Variants in DLG2 observed in about 807,000 individuals in gnomAD.
DLG2 encodes discs large MAGUK scaffold protein 2, also known as disks large homolog 2.
DLG2 carries 45 observed loss-of-function variants against 132.5 expected under a neutral mutation model. The observed-to-expected ratio is 0.34, with a 90% CI of 0.27 to 0.44. The LOEUF (loss-of-function observed/expected upper bound fraction) is 0.44. DLG2 is among the 20% of genes least tolerant of loss of function. DLG2 has a pLI of 1.00. For missense variants in DLG2, 1,045 were observed against 1,196.9 expected, an observed-to-expected ratio of 0.87 and a Z score of 1.87; for synonymous variants, 424 against 419.6, an observed-to-expected ratio of 1.01 and a Z score of -0.13.
Position 84,099,024 on chromosome 11 carries a change from A to G in DLG2, c.648T>C (p.Ser216=), listed in dbSNP as rs1223353917. 2 of 1,613,284 alleles carry G rather than the reference A, an allele frequency of 1.2e-6. No individual in the cohort carries two copies. Among genetic ancestry groups the G allele is most frequent in the East Asian group, 4.5e-5 (2 of 44,872 alleles). ...LERGNSGLGF[S]IAGGTDNPHI... is the part of the protein sequence containing the mutation. Reference sequence around the variant, plus strand: ...GGGGATTATCTGTCCCCCCAGCAATACTGAATCCCAGGCCAGAATTCCCCT... The same window carrying G: ...GGGGATTATCTGTCCCCCCAGCAATGCTGAATCCCAGGCCAGAATTCCCCT... Residue 216 remains serine, a synonymous_variant, in exon 10 of 28, where the codon AGT becomes AGC. Coordinates refer to ENST00000376104, the MANE Select transcript of DLG2 (RefSeq NM_001142699.3).
chr11:84,218,398 GAGGA>G (rs35534884), intron 8 of DLG2, among the ~76,000 whole-genome samples: 2 of 124,600 alleles, frequency 1.6e-5, no homozygotes, highest in Non-Finnish European at 3.4e-5. Context: ...GGGAGGGAGG[GAGGA>G]AGGAAGGAAG....
At position 85,057,613 on chromosome 11, in the gene DLG2, TC is replaced by T. The variant is rs371785843; in HGVS notation, c.357+54047del. Among the ~76,000 whole-genome samples, 429 of 151,662 alleles carry T rather than the reference TC, an allele frequency of 2.8e-3. 2 individuals carry two copies. The highest frequency in any genetic ancestry group is 0.01 in the African/African-American group (421 of 41,502). ...ATAATGTTAATCTAAAACAAACTCT[TC>T]CAGAGAACAGCAAAAGATAAATCAT... On this transcript the variant is annotated intron_variant, in intron 6 of 27. Transcript: ENST00000376104.
At chr11:85,549,507 T>C (rs144266607) in intron 3 of DLG2, among the ~76,000 whole-genome samples, 27 of 152,218 alleles carry the variant, frequency 1.8e-4, no homozygotes, top group African/African-American at 5.8e-4. Context: ...ATTGTACAAG[T>C]ATGAAAAAAA....
intron 21 of DLG2, among the ~76,000 whole-genome samples, chr11:83,521,251 T>C (rs1418602119): frequency 1.3e-5 from 2 of 152,230 alleles, no homozygotes; most frequent in Non-Finnish European, 2.9e-5. Context: ...ACAAAAGTGC[T>C]TTGCAAATAC....
intron 8 of DLG2, among the ~76,000 whole-genome samples, chr11:84,165,339 A>G (rs1204109733): frequency 6.6e-6 from 1 of 152,206 alleles, no homozygotes; most frequent in Non-Finnish European, 1.5e-5. Flanking sequence ...CATACACTGC[A>G]TAGTTGTGGC....
At chr11:85,497,627 C>G (rs746956305) in intron 3 of DLG2, among the ~76,000 whole-genome samples, 33 of 152,046 alleles carry the variant, frequency 2.2e-4, no homozygotes, top group Admixed American at 1.3e-4. Context: ...ACAAAATTGT[C>G]AATTTCACCA....
rs376657184 is a variant in DLG2 at position 85,067,442 on chromosome 11, G to A, written c.357+44219C>T. Among the ~76,000 whole-genome samples the A allele has an allele frequency of 6.3e-4, 96 of 151,780 alleles. 1 individual carries two copies. In the South Asian group the frequency reaches 9.5e-3, roughly 15 times the overall value. The stretch of plus-strand genomic sequence containing the variant: ...GTTCTTTTAATTGTGATGTTAGGGC[G>A]TCAATTTTAGATCTTTCCTGCTTTC... On this transcript the variant is annotated intron_variant, in intron 6 of 27. Coordinates refer to ENST00000376104, the MANE Select transcript of DLG2 (RefSeq NM_001142699.3).
At position 84,106,979 on chromosome 11, in the gene DLG2, G is replaced by GGT. The variant is rs35530888; in HGVS notation, c.625-7934_625-7933dup. On this transcript the variant is annotated intron_variant, in intron 9 of 27. Coordinates refer to ENST00000376104, the MANE Select transcript of DLG2 (RefSeq NM_001142699.3). ...AAGAGAGAGAGAGTTTTAGCCTTAG[G>GGT]GTGTGTGTGTGTGTGTGTGTGTGTG... is the stretch of plus-strand genomic sequence containing the variant. Among the ~76,000 whole-genome samples, 740 of 105,364 alleles carry GGT rather than the reference G, an allele frequency of 7.0e-3. 10 individuals carry two copies. The highest frequency in any genetic ancestry group is 0.024 in the South Asian group (87 of 3,646). The allele number at this position is 105,364 out of a possible 152,430, so 69.1% of individuals were successfully genotyped here.
chr11:84,934,514 T>TTGG lies in DLG2; in HGVS notation c.357+177146_357+177147insCCA, dbSNP rs373127852. On this transcript the variant is annotated intron_variant, in intron 6 of 27. Transcript: ENST00000376104. ...TGTATGGTCCTGGGTGTTTTTTTTTTGTTTTGTTTTGTTTTTTTTTTTTTT... is the reference window on the plus strand; with the variant it reads ...TGTATGGTCCTGGGTGTTTTTTTTTTTGGGTTTTGTTTTGTTTTTTTTTTTTTT... Among the ~76,000 whole-genome samples the TTGG allele has an allele frequency of 4.7e-5, 4 of 85,656 alleles. 1 individual carries two copies. Among genetic ancestry groups the TTGG allele is most frequent in the African/African-American group, 1.7e-4 (3 of 18,138 alleles). The allele number at this position is 85,656 out of a possible 152,430, so 56.2% of individuals were successfully genotyped here.
intron 18 of DLG2, among the ~76,000 whole-genome samples, chr11:83,769,867 C>G (rs56286239): frequency 0.3 from 45,377 of 151,906 alleles, 8,638 homozygotes; most frequent in African/African-American, 0.55. Flanking sequence ...GCCCCGCCTA[C>G]CTTGTTCTTT....
chr11:85,051,529 C>A (rs1203526577), intron 6 of DLG2, among the ~76,000 whole-genome samples: 1 of 151,980 alleles, frequency 6.6e-6, no homozygotes, highest in Non-Finnish European at 1.5e-5. Flanking sequence ...TATTAATAAA[C>A]AAAACAGACA....
intron 7 of DLG2, among the ~76,000 whole-genome samples, chr11:84,270,320 G>A (rs1054036341): frequency 6.6e-6 from 1 of 152,166 alleles, no homozygotes; most frequent in African/African-American, 2.4e-5. Context: ...TGCACTTGTG[G>A]CTCTTGGATC....
At chr11:84,150,819 G>T (rs140921675) in intron 9 of DLG2, among the ~76,000 whole-genome samples, 1 of 152,040 alleles carries the variant, frequency 6.6e-6, no homozygotes, top group Non-Finnish European at 1.5e-5. Flanking sequence ...TATGATGAAG[G>T]ATGTTGAATT....
At chr11:85,375,333 G>A (rs772759890) in intron 3 of DLG2, among the ~76,000 whole-genome samples, 20 of 152,298 alleles carry the variant, frequency 1.3e-4, no homozygotes, top group South Asian at 6.2e-4. Flanking sequence ...CAGTTAAGAA[G>A]TGATGTGATG....
At chr11:85,267,213 T>C (rs929272316) in intron 4 of DLG2, among the ~76,000 whole-genome samples, 1 of 152,336 alleles carries the variant, frequency 6.6e-6, no homozygotes, top group Admixed American at 6.5e-5. Context: ...TCCCGCTCTG[T>C]TCTCTGCTAT....
chr11:85,392,357 A>G (rs1441609318), intron 3 of DLG2, among the ~76,000 whole-genome samples: 2 of 152,090 alleles, frequency 1.3e-5, no homozygotes, highest in African/African-American at 4.8e-5. Context: ...AAATGACCAT[A>G]CTGCCAAAAG....
intron 3 of DLG2, among the ~76,000 whole-genome samples, chr11:85,509,609 C>T (rs2094011277): frequency 6.6e-6 from 1 of 152,006 alleles, no homozygotes; most frequent in South Asian, 2.1e-4. Flanking sequence ...CATTGAAGAA[C>T]CGATATCCTC....
intron 17 of DLG2, chr11:83,791,208 C>T: frequency 9.4e-6 from 6 of 639,322 alleles, no homozygotes; most frequent in South Asian, 5.7e-5. Context: ...GTGGCCTTAT[C>T]GGCCTCTGAG....
intron 18 of DLG2, among the ~76,000 whole-genome samples, chr11:83,636,979 A>G (rs2065029832): frequency 6.6e-6 from 1 of 152,152 alleles, no homozygotes; most frequent in African/African-American, 2.4e-5. Context: ...TAAACACAAG[A>G]AATTTCACAT....
Sources: allele counts gnomAD v4.1 joint callset (sites outside exome capture counted in the v4.1 genomes callset), GRCh38; gene constraint gnomAD v4.1.1; transcripts MANE v1.5; gene names NCBI Gene and HGNC (gene_info 2026-07-23, HGNC 2026-07-21).